LSAMP: variants seen among roughly 807,000 people sequenced by gnomAD.
LSAMP encodes limbic system-associated membrane protein.
Under a neutral mutation model 38.6 loss-of-function variants are expected in LSAMP, and 7 were observed. The observed-to-expected ratio is 0.18, with a 90% CI of 0.10 to 0.34. The LOEUF (loss-of-function observed/expected upper bound fraction) is 0.34. LSAMP is among the 10% of genes least tolerant of loss of function. LSAMP has a pLI of 1.00. For synonymous variants in LSAMP, 154 were observed against 166.8 expected, an observed-to-expected ratio of 0.92 and a Z score of 0.59; for missense variants, 313 against 420.0, an observed-to-expected ratio of 0.75 and a Z score of 2.23.
At chr3:116,004,150 T>A (rs1033041543) in intron 3 of LSAMP, among the ~76,000 whole-genome samples, 1 of 152,122 alleles carries the variant, frequency 6.6e-6, no homozygotes, top group Admixed American at 6.6e-5. Flanking sequence ...ACTAAAAATC[T>A]AAAAGTCCAA....
rs556740183 is a variant in LSAMP, at chr3:116,095,603, A to G, written c.156-9047T>C. On this transcript the variant is annotated intron_variant, in intron 1 of 6. Coordinates refer to ENST00000490035, the MANE Select transcript of LSAMP (RefSeq NM_002338.5). The stretch of plus-strand genomic sequence containing the variant: ...CTGTGCCATCTCTACATTCACATAG[A>G]AGAAATAAATGGGAAAAAATAAGAC... Among the ~76,000 whole-genome samples, 72 of 152,310 alleles carry G rather than the reference A, an allele frequency of 4.7e-4. 1 individual carries two copies. The South Asian group carries it at 0.015, about 31-fold the overall frequency.
rs139498324 is a variant in LSAMP, at chr3:116,019,374, G to A, written c.514+141C>T. On this transcript the variant is annotated intron_variant, in intron 3 of 6. Transcript: ENST00000490035. Reference sequence around the variant, plus strand: ...CATTCTGTTAGTATTTTAATAACAAGATAGATGCATGACCTTCTGATTCAA... The same window carrying A: ...CATTCTGTTAGTATTTTAATAACAAAATAGATGCATGACCTTCTGATTCAA... 2.6e-4 allele frequency: 266 copies of A among 1,013,132 alleles called. 2 individuals are homozygous for A. In the East Asian group the frequency reaches 7.6e-3, roughly 29 times the overall value. 62.8% of individuals were successfully genotyped at this position (1,013,132 alleles called of 1,614,324 possible). A position where few individuals can be genotyped will look rare whatever the true frequency, so the allele number is the denominator to read the frequency against.
intron 3 of LSAMP, among the ~76,000 whole-genome samples, chr3:115,961,934 C>T (rs1163396535): frequency 6.6e-6 from 1 of 152,110 alleles, no homozygotes; most frequent in Admixed American, 6.5e-5. Context: ...GTGACAGGTG[C>T]CTAAAAGATA....
At chr3:116,000,065 C>T (rs1270260039) in intron 3 of LSAMP, among the ~76,000 whole-genome samples, 1 of 152,142 alleles carries the variant, frequency 6.6e-6, no homozygotes, top group Non-Finnish European at 1.5e-5. Flanking sequence ...AGAGATTAAA[C>T]AATGGTTTCT....
At chr3:115,979,008 G>GA (rs555043856) in intron 3 of LSAMP, among the ~76,000 whole-genome samples, 6 of 151,548 alleles carry the variant, frequency 4.0e-5, no homozygotes, top group East Asian at 1.9e-4. Flanking sequence ...TTGTAAAACA[G>GA]AAAAAAAATC....
chr3:116,160,527 G>GGAAAA (rs377348658), intron 1 of LSAMP, among the ~76,000 whole-genome samples: 36 of 151,024 alleles, frequency 2.4e-4, no homozygotes, highest in South Asian at 8.4e-4. Flanking sequence ...GAAGAGGAAA[G>GGAAAA]GAAAAGAAAA....
intron 1 of LSAMP, among the ~76,000 whole-genome samples, chr3:116,441,146 A>G (rs2049429232): frequency 6.6e-6 from 1 of 152,212 alleles, no homozygotes; most frequent in Non-Finnish European, 1.5e-5. Context: ...TTCCTTGGGA[A>G]TCTGTAATAC....
intron 2 of LSAMP, among the ~76,000 whole-genome samples, chr3:116,038,836 T>C (rs1419881955): frequency 6.6e-6 from 1 of 152,226 alleles, no homozygotes; most frequent in African/African-American, 2.4e-5. Flanking sequence ...GATCTTCCCT[T>C]ATATTGGGTA....
At chr3:116,050,533 GA>G (rs35972347) in intron 2 of LSAMP, among the ~76,000 whole-genome samples, 52 of 138,802 alleles carry the variant, frequency 3.7e-4, no homozygotes, top group African/African-American at 5.6e-4. Context: ...AAATTAGGGG[GA>G]AAAAAAAAAA....
chr3:116,247,444 T>C (rs1443945765), intron 1 of LSAMP, among the ~76,000 whole-genome samples: 1 of 152,220 alleles, frequency 6.6e-6, no homozygotes, highest in Non-Finnish European at 1.5e-5. Flanking sequence ...ATTGATAGAC[T>C]GAAAAAGTAT....
chr3:116,343,216 C>T (rs2048020563), intron 1 of LSAMP, among the ~76,000 whole-genome samples: 3 of 151,942 alleles, frequency 2.0e-5, no homozygotes, highest in Admixed American at 2.0e-4. Flanking sequence ...GGTTATCTTG[C>T]TCAGGGGAAA....
intron 1 of LSAMP, among the ~76,000 whole-genome samples, chr3:116,436,930 G>T (rs1228339820): frequency 6.6e-6 from 1 of 151,708 alleles, no homozygotes. Flanking sequence ...GCAAAATTGT[G>T]AAGCCAACCC....
intron 3 of LSAMP, among the ~76,000 whole-genome samples, chr3:115,904,854 C>T (rs1936969969): frequency 1.3e-5 from 2 of 152,154 alleles, no homozygotes; most frequent in South Asian, 4.1e-4. Context: ...TACATGTCCT[C>T]TGACTTCACA....
chr3:115,958,930 C>G (rs538942830), intron 3 of LSAMP, among the ~76,000 whole-genome samples: 1 of 152,212 alleles, frequency 6.6e-6, no homozygotes, highest in South Asian at 2.1e-4. Context: ...TGTAGGCCAC[C>G]CATAGGCTAT....
At chr3:116,347,994 G>C (rs964185498) in intron 1 of LSAMP, among the ~76,000 whole-genome samples, 1 of 151,606 alleles carries the variant, frequency 6.6e-6, no homozygotes, top group African/African-American at 2.4e-5. Flanking sequence ...ATCAAAATCT[G>C]GGGTATGTAG....
chr3:115,846,843 T>C (rs890671075), intron 4 of LSAMP, among the ~76,000 whole-genome samples: 2 of 152,144 alleles, frequency 1.3e-5, no homozygotes, highest in South Asian at 2.1e-4. Flanking sequence ...GTACAAACAA[T>C]GGCACAACAT....
chr3:116,389,318 T>A (rs7627104), intron 1 of LSAMP, among the ~76,000 whole-genome samples: 16 of 152,034 alleles, frequency 1.1e-4, no homozygotes, highest in Non-Finnish European at 2.1e-4. Context: ...GGTGCTAGTC[T>A]GTATGGGAGA....
At chr3:116,178,168 C>G (rs898365007) in intron 1 of LSAMP, among the ~76,000 whole-genome samples, 1 of 151,556 alleles carries the variant, frequency 6.6e-6, no homozygotes, top group Non-Finnish European at 1.5e-5. Context: ...AGGGAAGAGA[C>G]TTAATTTTTA....
chr3:116,431,413 C>A (rs896230172), intron 1 of LSAMP, among the ~76,000 whole-genome samples: 1 of 152,034 alleles, frequency 6.6e-6, no homozygotes, highest in African/African-American at 2.4e-5. Flanking sequence ...TCACTGCTTT[C>A]TTTTCAAAAT....
Sources: gnomAD v4.1 joint callset for allele counts (sites outside exome capture counted in the v4.1 genomes callset) on GRCh38, gnomAD v4.1.1 for gene constraint, MANE v1.5 for transcripts, NCBI Gene and HGNC (gene_info 2026-07-23, HGNC 2026-07-21) for gene names.